Variants in GPR108 observed in about 807,000 individuals in gnomAD.
The protein encoded by GPR108 is protein GPR108.
GPR108 carries 60 observed loss-of-function variants against 74.3 expected under a neutral mutation model. The observed-to-expected ratio is 0.81, with a 90% CI of 0.66 to 1.00. GPR108 has a LOEUF of 1.00. Among genes scored for constraint, GPR108 ranks in the 50% least tolerant of loss-of-function variants. GPR108 has a pLI of 0.00. For synonymous variants in GPR108, 311 were observed against 292.4 expected (o/e 1.06, Z -0.65); for missense variants, 667 against 703.3 (o/e 0.95, Z 0.58).
At chr19:6,737,239 G>C (rs980138358) in intron 1 of GPR108, 3 of 566,258 alleles carry the variant, frequency 5.3e-6, no homozygotes, top group Non-Finnish European at 9.0e-6. Flanking sequence ...CGCCCCCGAA[G>C]GGAGGGGGCC....
intron 17 of GPR108, chr19:6,730,588 C>T (rs528829008): frequency 5.1e-6 from 3 of 593,740 alleles, no homozygotes; most frequent in East Asian, 5.7e-5. Flanking sequence ...CCACCTAGGC[C>T]CCGCCCCCAG....
chr19:6,731,272 T>C lies in GPR108; in HGVS notation c.1361A>G (p.Tyr454Cys). 1 of 1,549,776 alleles carries C rather than the reference T, an allele frequency of 6.5e-7. No homozygotes were observed. The highest frequency in any genetic ancestry group is 2.3e-5 in the East Asian group (1 of 44,200). ...GGCGATGATGCGGGTGAAGTAGACG[T>C]AGCAGATGACCTGCAGGGGCGCGAG... ...FRHYYVMVIC[Y>C]VYFTRIIAIL... Residue 454 changes from tyrosine (Y) to cysteine (C), a missense_variant, in exon 16 of 18, where the codon TAC (tyrosine) becomes TGC (cysteine). Physicochemically the swap from Tyr to Cys is radical, Grantham distance 194. Transcript: ENST00000264080.
chr19:6,733,341 C>A, intron 8 of GPR108, 40 bp from the exon 9 acceptor site: 1 of 1,596,960 alleles, frequency 6.3e-7, no homozygotes. Context: ...AGGGGCACAG[C>A]CCGACCGCTG....
At position 6,729,969 on chromosome 19, in the gene GPR108, C is replaced by G. The variant is rs1968316804; in HGVS notation, c.*343G>C. 4 of 290,720 alleles carry G rather than the reference C, an allele frequency of 1.4e-5. No individual in the cohort carries two copies. The South Asian group carries it at 1.8e-4, about 13-fold the overall frequency. The allele number at this position is 290,720 out of a possible 1,614,324, so 18.0% of individuals were successfully genotyped here. ...AGACACGGACCCTGTGCCCGCGCCC[C>G]CGCCACACACAGCGAAAACAGGTTT... On this transcript the variant is annotated 3_prime_UTR_variant, in exon 18 of 18. Transcript: ENST00000264080.
At position 6,732,018 on chromosome 19, in the gene GPR108, T is replaced by C; in HGVS notation, c.1256+7A>G. On this transcript the variant is annotated splice_region_variant and intron_variant, in intron 13 of 17. Coordinates refer to ENST00000264080, the MANE Select transcript of GPR108 (RefSeq NM_001080452.2). ...GCAGAGCCTCAGCCCGGGGGCAGGG[T>C]CCTCACCAGACTACGGGGAACAGGA... is the stretch of plus-strand genomic sequence containing the variant. 6.2e-7 allele frequency: 1 copy of C among 1,613,738 alleles called. No individual in the cohort carries two copies. Among genetic ancestry groups the C allele is most frequent in the Non-Finnish European group, 8.5e-7 (1 of 1,179,954 alleles).
In GPR108 at chr19:6,734,016, C is replaced by A. The variant is rs369806355; in HGVS notation, c.538G>T (p.Ala180Ser). The change falls in exon 6 of 18, where the codon GCA becomes TCA. Residue 180 changes from alanine (A) to serine (S), a missense_variant. Transcript: ENST00000264080. The part of the protein sequence containing the change: ...SAASKPKSTP[A>S]VIQGPSGKDK... ...CGCCTCCCCGAAACCTGAATCACTG[C>A]GGGTGTTGACTTGGGCTTGCTGGCT... is the stretch of plus-strand genomic sequence containing the variant. 1 of 1,614,148 alleles carries A rather than the reference C, an allele frequency of 6.2e-7. No individual in the cohort carries two copies. Among genetic ancestry groups the A allele is most frequent in the South Asian group, 1.1e-5 (1 of 91,076 alleles).
At position 6,733,318 on chromosome 19, in the gene GPR108, G is replaced by T. The variant is rs1296169362; in HGVS notation, c.724-17C>A. 1 of 1,609,690 alleles carries T rather than the reference G, an allele frequency of 6.2e-7. No individual in the cohort carries two copies. Among genetic ancestry groups the T allele is most frequent in the Admixed American group, 1.7e-5 (1 of 59,856 alleles). On this transcript the variant is annotated splice_polypyrimidine_tract_variant and intron_variant, in intron 8 of 17. Transcript: ENST00000264080. The stretch of plus-strand genomic sequence containing the variant: ...GATCATCACCTGCGGAGGGGGCAGT[G>T]GTGGGCGGCGGCAGGGGCACAGCCC...
At chr19:6,732,960 C>T (rs1009400887) in intron 10 of GPR108, 27 bp downstream of exon 10, 40 of 1,556,402 alleles carry the variant, frequency 2.6e-5, no homozygotes, top group East Asian at 4.8e-5. Context: ...GCCCACCCCC[C>T]GCTGCTCCCC....
chr19:6,731,030 G>A lies in GPR108; in HGVS notation c.1516C>T (p.Gln506Ter), dbSNP rs1382381250. 3 of 1,613,654 alleles carry A rather than the reference G, an allele frequency of 1.9e-6. No homozygotes were observed. Among genetic ancestry groups the A allele is most frequent in the East Asian group, 2.2e-5 (1 of 44,840 alleles). The change falls in exon 17 of 18, where the codon CAG becomes TAG. Residue 506 changes from glutamine (Q) to a stop codon, truncating the protein, a stop_gained. Coordinates refer to ENST00000264080, the MANE Select transcript of GPR108 (RefSeq NM_001080452.2). LOFTEE classifies it high-confidence loss of function. The stretch of plus-strand genomic sequence containing the variant: ...TCCTCCTCGTCCTCCTGGGGCAGCT[G>A]CAGGTACGGGTTGTTTCCTGTGGGC... ...FQPTGNNPYL[Q>*]LPQEDEEDVQ...
At position 6,733,687 on chromosome 19, in the gene GPR108, GGA is replaced by G. The variant is rs753588140; in HGVS notation, c.619-15_619-14del. The stretch of plus-strand genomic sequence containing the variant: ...TCACCACGTGGAACTGGGCGGGCGG[GGA>G]GAGAGGAGGGCTCAGCCTGGGGGAC... On this transcript the variant is annotated splice_polypyrimidine_tract_variant and intron_variant, in intron 7 of 17. Transcript: ENST00000264080. The G allele has an allele frequency of 9.9e-6, 16 of 1,611,598 alleles. No individual in the cohort carries two copies. Among genetic ancestry groups the G allele is most frequent in the Non-Finnish European group, 1.4e-5 (16 of 1,177,826 alleles).
chr19:6,732,271 G>A lies in GPR108; in HGVS notation c.1117C>T (p.Pro373Ser). 1 of 1,612,354 alleles carries A rather than the reference G, an allele frequency of 6.2e-7. No homozygotes were observed. Among genetic ancestry groups the A allele is most frequent in the Non-Finnish European group, 8.5e-7 (1 of 1,179,994 alleles). ...GGCTGCTCCATCCGCACCTGCATGG[G>A]GATCACGATCCCAAAGACCTTCTTC... ...KEKKVFGIVI[P>S]MQVLANVAYI... Residue 373 changes from proline to serine, a missense_variant, in exon 12 of 18, where the codon CCC becomes TCC. Pro to Ser is a moderately conservative substitution (Grantham distance 74, BLOSUM62 -1). Transcript: ENST00000264080.
At chr19:6,732,764 G>A in intron 10 of GPR108, 1 of 656,282 alleles carries the variant, frequency 1.5e-6, no homozygotes, top group South Asian at 1.7e-5. Context: ...GACAATCAGA[G>A]ACGGACAGTC....
chr19:6,730,929 T>G, intron 17 of GPR108, 58 bp downstream of exon 17: 1 of 632,046 alleles, frequency 1.6e-6, no homozygotes, highest in Non-Finnish European at 2.4e-6. Flanking sequence ...CCCGTAGAGC[T>G]GCCCACCCCC....
chr19:6,732,349 C>A lies in GPR108; in HGVS notation c.1039G>T (p.Ala347Ser), dbSNP rs758270083. 3.1e-6 allele frequency: 5 copies of A among 1,613,326 alleles called. No individual in the cohort carries two copies. In the African/African-American group the frequency reaches 5.3e-5, roughly 17 times the overall value. The change falls in exon 12 of 18, where the codon GCC (alanine) becomes TCC (serine). Residue 347 changes from alanine to serine, a missense_variant. Physicochemically the swap from Ala to Ser is moderately conservative, Grantham distance 99. Transcript: ENST00000264080. ...AAGGCCCAGCCTGAGCCAATCAGGG[C>A]GATGGTGATGAAGAGGAGGGCGCCC... ...LKGALLFITIALIGSGWAFIK... is the reference protein window; with the variant it reads ...LKGALLFITISLIGSGWAFIK...
At chr19:6,735,831 G>C in intron 3 of GPR108, 77 bp downstream of exon 3, 1 of 1,540,742 alleles carries the variant, frequency 6.5e-7, no homozygotes. Context: ...AGGGGCCCTT[G>C]GGTTACAGAT....
intron 14 of GPR108, 116 bp from the exon 15 acceptor site, chr19:6,731,638 C>G: frequency 1.0e-6 from 1 of 975,166 alleles, no homozygotes; most frequent in East Asian, 2.6e-5. Flanking sequence ...CCAGGAGCAG[C>G]AAGTCTCGAG....
At chr19:6,736,519 C>G in intron 2 of GPR108, 73 bp downstream of exon 2, 2 of 1,459,112 alleles carry the variant, frequency 1.4e-6, no homozygotes, top group African/African-American at 2.8e-5. Flanking sequence ...ACATGGGTAG[C>G]GGCAGAGCTG....
At position 6,735,607 on chromosome 19, in the gene GPR108, C is replaced by G. The variant is rs778681402; in HGVS notation, c.374+15G>C. ...CAGACGAAGGATCTGAGCGAGCCCC[C>G]GGTCCCCAACTCACTGCAGATCCTT... is the stretch of plus-strand genomic sequence containing the variant. On this transcript the variant is annotated intron_variant, in intron 4 of 17. Transcript: ENST00000264080. The G allele has an allele frequency of 1.2e-6, 2 of 1,610,026 alleles. No homozygotes were observed. The highest frequency in any genetic ancestry group is 2.7e-5 in the African/African-American group (2 of 74,790).
At chr19:6,736,738 A>T in intron 1 of GPR108, 27 bp from the exon 2 acceptor site, 2 of 1,613,690 alleles carry the variant, frequency 1.2e-6, no homozygotes, top group Non-Finnish European at 1.7e-6. Flanking sequence ...AGGCAGAGGC[A>T]GTTCAGACCT....
Sources: allele counts gnomAD v4.1 joint callset, GRCh38; gene constraint gnomAD v4.1.1; transcripts MANE v1.5; gene names NCBI Gene and HGNC (gene_info 2026-07-23, HGNC 2026-07-21).